RAD51B: variants seen among roughly 807,000 people sequenced by gnomAD.
RAD51B encodes the protein DNA repair protein RAD51 homolog 2.
A neutral mutation model predicts 42.2 loss-of-function variants in RAD51B; 38 were observed. The ratio of observed to expected loss-of-function variants is 0.90; its 90% CI spans 0.70 to 1.18. RAD51B has a LOEUF of 1.18. Among genes scored for constraint, RAD51B ranks in the 50% most tolerant of loss-of-function variants. RAD51B has a pLI of 0.00. For synonymous variants in RAD51B, 154 were observed against 145.2 expected (o/e 1.06, Z -0.43); for missense variants, 373 against 400.7 (o/e 0.93, Z 0.59).
At chr14:68,061,554 C>T (rs1317521969) in intron 7 of RAD51B, among the ~76,000 whole-genome samples, 1 of 151,824 alleles carries the variant, frequency 6.6e-6, no homozygotes, top group Non-Finnish European at 1.5e-5. Context: ...TTTTTGTGTT[C>T]TCTTCAATTT....
Position 68,260,316 on chromosome 14 carries a change from T to TGGAGGGGCG in RAD51B, c.757-31567_757-31566insGAGGGGCGG, listed in dbSNP as rs1470406420. Among the ~76,000 whole-genome samples the TGGAGGGGCG allele has an allele frequency of 2.1e-4, 26 of 126,490 alleles. 2 individuals carry two copies. The highest frequency in any genetic ancestry group is 1.3e-3 in the African/African-American group (25 of 19,112). 83.0% of individuals were successfully genotyped at this position (126,490 alleles called of 152,430 possible). Reference sequence around the variant, plus strand: ...GAGAGACCGTGTGTGTGTGTGTGTGTGTGGAGAGGGGAAGACAGCGGGGGT... The same window carrying TGGAGGGGCG: ...GAGAGACCGTGTGTGTGTGTGTGTGTGGAGGGGCGGTGGAGAGGGGAAGACAGCGGGGGT... On this transcript the variant is annotated intron_variant, in intron 7 of 10. Transcript: ENST00000471583.
rs566433388 is a variant in RAD51B at position 68,503,128 on chromosome 14, C to G, written c.1036+34878C>G. ...CTGAAGTGGAGACAACAAAGCAAAG[C>G]CACTTCCACTGTGTGCTCTCTCAAA... On this transcript the variant is annotated intron_variant, in intron 10 of 10. Transcript: ENST00000487270. Among the ~76,000 whole-genome samples the G allele has an allele frequency of 1.3e-3, 203 of 152,318 alleles. 3 individuals carry two copies. In the South Asian group the frequency reaches 0.04, roughly 30 times the overall value.
chr14:68,097,648 G>A (rs1182536118), intron 7 of RAD51B, among the ~76,000 whole-genome samples: 3 of 152,146 alleles, frequency 2.0e-5, no homozygotes. Flanking sequence ...TTGAAGAGAT[G>A]AAGAAATGAA....
At chr14:68,415,507 G>C (rs2140093699) in intron 9 of RAD51B, among the ~76,000 whole-genome samples, 1 of 152,292 alleles carries the variant, frequency 6.6e-6, no homozygotes, top group South Asian at 2.1e-4. Flanking sequence ...GATACCCTCT[G>C]GTTGTTCACA....
At chr14:68,033,948 AATCACAGTC>A (rs1478636627) in intron 7 of RAD51B, among the ~76,000 whole-genome samples, 1 of 152,216 alleles carries the variant, frequency 6.6e-6, no homozygotes, top group Non-Finnish European at 1.5e-5. Flanking sequence ...TCTTAGGAAC[AATCACAGTC>A]ATTTGATTGT....
At chr14:68,613,829 C>A (rs1158344749), downstream of RAD51B, among the ~76,000 whole-genome samples, 1 of 152,192 alleles carries the variant, frequency 6.6e-6, no homozygotes, top group Non-Finnish European at 1.5e-5. Flanking sequence ...TTCTCCATAA[C>A]TTGCTCAGAA....
chr14:68,221,651 A>G (rs1346934082), intron 7 of RAD51B, among the ~76,000 whole-genome samples: 1 of 152,250 alleles, frequency 6.6e-6, no homozygotes, highest in Non-Finnish European at 1.5e-5. Context: ...CCAAGAACCC[A>G]AAAGCAAATG....
chr14:68,005,736 G>T (rs1254868636), intron 7 of RAD51B, among the ~76,000 whole-genome samples: 1 of 152,134 alleles, frequency 6.6e-6, no homozygotes, highest in African/African-American at 2.4e-5. Flanking sequence ...TTTTGGTGAA[G>T]TGATGTATTG....
chr14:68,306,754 G>A, intron 8 of RAD51B: 5 of 380,200 alleles, frequency 1.3e-5, no homozygotes, highest in South Asian at 8.4e-5. Context: ...GAACTTGCAT[G>A]GCCGAAGTGA....
chr14:68,566,765 A>T (rs957886222), intron 10 of RAD51B, among the ~76,000 whole-genome samples: 1 of 152,010 alleles, frequency 6.6e-6, no homozygotes, highest in Non-Finnish European at 1.5e-5. Context: ...AAGCTACAAG[A>T]CTTCCTTGTG....
intron 8 of RAD51B, among the ~76,000 whole-genome samples, chr14:68,343,965 C>G (rs978313329): frequency 6.6e-6 from 1 of 152,266 alleles, no homozygotes; most frequent in Non-Finnish European, 1.5e-5. Context: ...AAGGAAACTT[C>G]GCAGATTCCC....
intron 7 of RAD51B, among the ~76,000 whole-genome samples, chr14:67,988,526 A>AT (rs1459876908): frequency 1.3e-5 from 2 of 152,252 alleles, no homozygotes; most frequent in East Asian, 3.9e-4. Context: ...CATCTTGTCT[A>AT]TTTTTTCCAG....
At chr14:68,518,579 C>G (rs1284089529) in intron 10 of RAD51B, among the ~76,000 whole-genome samples, 1 of 149,518 alleles carries the variant, frequency 6.7e-6, no homozygotes, top group Admixed American at 6.7e-5. Flanking sequence ...CTCCCCCATC[C>G]ACTTTCATCC....
chr14:67,900,327 G>T (rs1470791022), intron 7 of RAD51B, among the ~76,000 whole-genome samples: 1 of 152,088 alleles, frequency 6.6e-6, no homozygotes, highest in East Asian at 1.9e-4. Flanking sequence ...CTTGTAATAA[G>T]GATGCTGTCT....
At chr14:68,506,108 C>T (rs568486422) in intron 10 of RAD51B, among the ~76,000 whole-genome samples, 1 of 152,072 alleles carries the variant, frequency 6.6e-6, no homozygotes, top group Non-Finnish European at 1.5e-5. Context: ...ACACAGTGTG[C>T]CCCCAGGCAG....
intron 7 of RAD51B, among the ~76,000 whole-genome samples, chr14:68,086,270 G>A (rs565808347): frequency 3.3e-4 from 51 of 152,262 alleles, no homozygotes; most frequent in African/African-American, 1.1e-3. Context: ...GCTTGCCGGT[G>A]TGCTGGTGCC....
intron 7 of RAD51B, among the ~76,000 whole-genome samples, chr14:68,260,797 C>T (rs932842582): frequency 2.6e-5 from 4 of 152,186 alleles, no homozygotes; most frequent in African/African-American, 7.2e-5. Context: ...GCATTTTCTG[C>T]ACTCTATCAT....
At chr14:68,662,688 A>T (rs1892956909) in intron 11 of RAD51B, among the ~76,000 whole-genome samples, 1 of 152,182 alleles carries the variant, frequency 6.6e-6, no homozygotes, top group Non-Finnish European at 1.5e-5. Context: ...CCCTCCAAAA[A>T]AGTACAGTGA....
chr14:68,257,057 A>T (rs1234554030), intron 7 of RAD51B, among the ~76,000 whole-genome samples: 1 of 152,224 alleles, frequency 6.6e-6, no homozygotes, highest in Non-Finnish European at 1.5e-5. Context: ...GCATTAAAAC[A>T]TGGATGGACT....
Sources: allele counts gnomAD v4.1 joint callset (sites outside exome capture counted in the v4.1 genomes callset), GRCh38; gene constraint gnomAD v4.1.1; transcripts MANE v1.5; gene names NCBI Gene and HGNC (gene_info 2026-07-23, HGNC 2026-07-21).